Variants in LUC7L2 observed in about 807,000 individuals in gnomAD.
LUC7L2 encodes putative RNA-binding protein Luc7-like 2.
LUC7L2 carries 25 observed loss-of-function variants against 52.8 expected under a neutral mutation model. The ratio of observed to expected loss-of-function variants is 0.47; its 90% confidence interval spans 0.34 to 0.66. LUC7L2 has a LOEUF of 0.66. Ranked by LOEUF, LUC7L2 falls within the 30% of genes least tolerant of loss-of-function variation. LUC7L2 has a pLI of 0.01. For missense variants in LUC7L2, 328 were observed against 497.8 expected, an observed-to-expected ratio of 0.66 and a Z score of 3.25; for synonymous variants, 144 against 160.9, an observed-to-expected ratio of 0.89 and a Z score of 0.80.
chr7:139,422,417 G>A lies in LUC7L2; in HGVS notation c.*77G>A. The A allele has an allele frequency of 6.6e-7, 1 of 1,519,146 alleles. No homozygotes were observed. The highest frequency in any genetic ancestry group is 2.3e-5 in the East Asian group (1 of 43,800). The allele number at this position is 1,519,146 out of a possible 1,614,324, so 94.1% of individuals were successfully genotyped here. A position where few individuals can be genotyped will look rare whatever the true frequency, so the allele number is the denominator to read the frequency against. On this transcript the variant is annotated 3_prime_UTR_variant, in exon 10 of 10. Coordinates refer to ENST00000354926, the MANE Select transcript of LUC7L2 (RefSeq NM_016019.5). Reference sequence around the variant, plus strand: ...ATTGTTTAGTTCACAGCTGTTCAGGGTGACAGTGAGCAGATCCAGACACCA... The same window carrying A: ...ATTGTTTAGTTCACAGCTGTTCAGGATGACAGTGAGCAGATCCAGACACCA...
At chr7:139,379,383 T>C (rs1170491133) in intron 2 of LUC7L2, among the ~76,000 whole-genome samples, 1 of 151,370 alleles carries the variant, frequency 6.6e-6, no homozygotes, top group Non-Finnish European at 1.5e-5. Flanking sequence ...TTTTTTTTTC[T>C]CATTATAAAG....
upstream of LUC7L2, among the ~76,000 whole-genome samples, chr7:139,357,219 G>T (rs926895484): frequency 7.2e-5 from 11 of 152,052 alleles, no homozygotes; most frequent in African/African-American, 2.4e-4. Context: ...GGCAGGAAAG[G>T]AGAGAAAAAC....
intron 3 of LUC7L2, among the ~76,000 whole-genome samples, chr7:139,401,064 T>A (rs1794891791): frequency 6.6e-6 from 1 of 152,220 alleles, no homozygotes; most frequent in Non-Finnish European, 1.5e-5. Context: ...AAAGTTTACT[T>A]TTAAATGAAC....
upstream of LUC7L2, among the ~76,000 whole-genome samples, chr7:139,355,153 G>A (rs1040502903): frequency 3.3e-5 from 5 of 152,066 alleles, no homozygotes; most frequent in African/African-American, 1.2e-4. Flanking sequence ...GAGCCATGGT[G>A]CCCACCCAGC....
intron 4 of LUC7L2, among the ~76,000 whole-genome samples, chr7:139,404,278 G>A (rs1428224093): frequency 6.6e-6 from 1 of 152,212 alleles, no homozygotes; most frequent in African/African-American, 2.4e-5. Flanking sequence ...GTGAGGCCAA[G>A]GTGGGTGGAC....
chr7:139,340,807 A>G (rs1030844645), intron 1 of LUC7L2, among the ~76,000 whole-genome samples: 4 of 151,220 alleles, frequency 2.6e-5, no homozygotes, highest in African/African-American at 9.7e-5. Context: ...CCCTTTCTAA[A>G]CAAAGCGAAA....
chr7:139,346,766 CTCTT>C, intron 1 of LUC7L2, among the ~76,000 whole-genome samples: 1 of 152,294 alleles, frequency 6.6e-6, no homozygotes, highest in African/African-American at 2.4e-5. Context: ...ACATAGACAT[CTCTT>C]TCTGTCTCCT....
At chr7:139,418,738 A>G (rs1310971164) in intron 9 of LUC7L2, among the ~76,000 whole-genome samples, 1 of 152,172 alleles carries the variant, frequency 6.6e-6, no homozygotes, top group Non-Finnish European at 1.5e-5. Context: ...ATAATAATTA[A>G]TTGTATATGT....
intron 2 of LUC7L2, 86 bp from the exon 3 acceptor site, chr7:139,398,513 A>T: frequency 9.6e-7 from 1 of 1,046,594 alleles, no homozygotes; most frequent in Non-Finnish European, 1.3e-6. Flanking sequence ...ATGACTTAAT[A>T]TGTATTCTGA....
chr7:139,405,296 G>A (rs180789089), intron 4 of LUC7L2, among the ~76,000 whole-genome samples: 118 of 152,286 alleles, frequency 7.7e-4, no homozygotes, highest in African/African-American at 2.7e-3. Flanking sequence ...GTAAGTTTGG[G>A]GAAACTATAA....
intron 2 of LUC7L2, among the ~76,000 whole-genome samples, chr7:139,384,703 G>A (rs568540055): frequency 3.0e-4 from 45 of 152,222 alleles, no homozygotes; most frequent in South Asian, 1.7e-3. Flanking sequence ...AGTAAACGGG[G>A]TACTCACGCC....
At chr7:139,340,538 A>T in intron 1 of LUC7L2, 1 of 398,426 alleles carries the variant, frequency 2.5e-6, no homozygotes. Context: ...TGGCGCGGTG[A>T]TGTGGACTTT....
chr7:139,353,482 T>C (rs1475610495), intron 1 of LUC7L2, among the ~76,000 whole-genome samples: 1 of 152,228 alleles, frequency 6.6e-6, no homozygotes, highest in Non-Finnish European at 1.5e-5. Flanking sequence ...TGCTAAAATG[T>C]AGACATAGAC....
At chr7:139,373,643 A>G (rs535664261) in intron 1 of LUC7L2, among the ~76,000 whole-genome samples, 13 of 152,092 alleles carry the variant, frequency 8.5e-5, no homozygotes, top group African/African-American at 3.1e-4. Flanking sequence ...CTGGTTTGCT[A>G]TATTCCTATT....
rs556817586 is a variant in LUC7L2, at chr7:139,351,624, G to GC, written c.-26+11110dup. Among the ~76,000 whole-genome samples the GC allele has an allele frequency of 1.4e-3, 206 of 152,310 alleles. 2 individuals carry two copies. Among genetic ancestry groups the GC allele is most frequent in the African/African-American group, 4.8e-3 (200 of 41,570 alleles). On this transcript the variant is annotated intron_variant, in intron 1 of 10. Transcript: ENST00000541170. The stretch of plus-strand genomic sequence containing the variant: ...CTTTAACAAGAACCTCCAGGGCCTG[G>GC]CCCTTGCCAGACCTCTTCAGCTTCA...
chr7:139,381,380 ATTTTAT>A (rs201251941), intron 2 of LUC7L2, among the ~76,000 whole-genome samples: 15,168 of 97,210 alleles, frequency 0.16, 1,583 homozygotes, highest in African/African-American at 0.43. Flanking sequence ...TTTTATTTTT[ATTTTAT>A]TTTTTATTTT....
chr7:139,347,507 A>G, intron 1 of LUC7L2, among the ~76,000 whole-genome samples: 1 of 151,982 alleles, frequency 6.6e-6, no homozygotes, highest in East Asian at 1.9e-4. Context: ...GAATCGCTTG[A>G]ACCCAGGAGA....
intron 2 of LUC7L2, among the ~76,000 whole-genome samples, chr7:139,395,419 G>A (rs903819106): frequency 9.2e-5 from 14 of 152,256 alleles, no homozygotes; most frequent in African/African-American, 3.4e-4. Flanking sequence ...TGTTAAACCA[G>A]ACTAATGAAT....
intron 1 of LUC7L2, among the ~76,000 whole-genome samples, chr7:139,346,801 T>G (rs1799283765): frequency 6.6e-6 from 1 of 152,138 alleles, no homozygotes; most frequent in African/African-American, 2.4e-5. Context: ...AATTGTTCCT[T>G]CTCTTGAACT....
Sources: gnomAD v4.1 joint callset for allele counts (sites outside exome capture counted in the v4.1 genomes callset) on GRCh38, gnomAD v4.1.1 for gene constraint, MANE v1.5 for transcripts, NCBI Gene and HGNC (gene_info 2026-07-23, HGNC 2026-07-21) for gene names.